The following PCDH11X variants were observed in gnomAD, a reference collection of about 807,000 sequenced individuals.
The protein encoded by PCDH11X is protocadherin-11 X-linked.
A neutral mutation model predicts 53.3 loss-of-function variants in PCDH11X; 18 were observed. The ratio of observed to expected loss-of-function variants is 0.34; its 90% confidence interval spans 0.23 to 0.50. The LOEUF is 0.50. Among genes scored for constraint, PCDH11X ranks in the 20% least tolerant of loss-of-function variants. The pLI, the probability that PCDH11X is intolerant of heterozygous loss-of-function variation, is 0.98. For missense variants in PCDH11X, 570 were observed against 1,032.4 expected, an observed-to-expected ratio of 0.55 and a Z score of 6.14; for synonymous variants, 279 against 393.3, an observed-to-expected ratio of 0.71 and a Z score of 3.44.
chrX:92,546,035 G>A (rs940779258), intron 10 of PCDH11X, among the ~76,000 whole-genome samples: 1 of 102,792 alleles, frequency 9.7e-6, no homozygotes, highest in Non-Finnish European at 2.1e-5. Flanking sequence ...GATAAACTTC[G>A]AATATTCGAT....
intron 9 of PCDH11X, among the ~76,000 whole-genome samples, chrX:92,419,105 G>T (rs2071887950): frequency 9.9e-6 from 1 of 101,048 alleles, no homozygotes; most frequent in Admixed American, 1.1e-4. Context: ...TTGGTAAATT[G>T]ATCCTTTTAT....
At chrX:92,127,212 AAATATT>A (rs1302941220) in intron 6 of PCDH11X, among the ~76,000 whole-genome samples, 18 of 109,867 alleles carry the variant, frequency 1.6e-4, no homozygotes, top group Non-Finnish European at 3.4e-4. Flanking sequence ...TATATGTTAT[AAATATT>A]AATAGGTGCT....
At chrX:92,198,664 A>C (rs777886691) in intron 6 of PCDH11X, among the ~76,000 whole-genome samples, 5 of 110,730 alleles carry the variant, frequency 4.5e-5, no homozygotes, top group Non-Finnish European at 9.4e-5. Flanking sequence ...TTGGGAAGTG[A>C]ATTTTATTCT....
intron 8 of PCDH11X, among the ~76,000 whole-genome samples, chrX:92,267,225 A>G (rs181035503): frequency 8.9e-6 from 1 of 111,773 alleles, no homozygotes; most frequent in African/African-American, 3.3e-5. Context: ...ACTTTGGCTT[A>G]GCCTGAGACT....
chrX:91,878,293 G>C lies in PCDH11X; in HGVS notation c.2053G>C (p.Val685Leu). 8.3e-7 allele frequency: 1 copy of C among 1,211,150 alleles called. No individual in the cohort carries two copies. Among genetic ancestry groups the C allele is most frequent in the African/African-American group, 1.7e-5 (1 of 57,593 alleles). ...VPPSNCSYEL[V>L]LPSTNPGTVV... Reference sequence around the variant, plus strand: ...TCCTTCCAACTGTTCTTATGAATTGGTTCTACCGTCCACTAATCCAGGCAC... The same window carrying C: ...TCCTTCCAACTGTTCTTATGAATTGCTTCTACCGTCCACTAATCCAGGCAC... Residue 685 changes from valine (V) to leucine (L), a missense_variant, in exon 6 of 11, where the codon GTT becomes CTT. By Grantham distance (32) the Val-to-Leu change is conservative. This residue lies in a region of PCDH11X where 226 missense variants were observed against 457.5 expected (regional missense o/e 0.49). Transcript: ENST00000682573.
intron 5 of PCDH11X, among the ~76,000 whole-genome samples, chrX:91,839,944 C>T (rs1393698980): frequency 8.9e-6 from 1 of 111,890 alleles, no homozygotes; most frequent in African/African-American, 3.2e-5. Context: ...CTACACATTG[C>T]AGTATTTCGA....
chrX:92,364,407 G>A (rs1258151341), intron 8 of PCDH11X, among the ~76,000 whole-genome samples: 2 of 111,070 alleles, frequency 1.8e-5, no homozygotes, highest in African/African-American at 6.5e-5. Flanking sequence ...ACATAGAAAA[G>A]GTAGCGTAAA....
rs1166814711 is a variant in PCDH11X, at chrX:92,148,007, T to TTC, written c.3034-53367_3034-53366insCT. ...TTCCTTTCTTTCTTTCTTTCTTTCT[T>TTC]TTTCTTTCCTTCCTTCCTTCCTTTC... On this transcript the variant is annotated intron_variant, in intron 6 of 10. Transcript: ENST00000682573. Among the ~76,000 whole-genome samples the TTC allele has an allele frequency of 1.9e-3, 156 of 83,519 alleles. 6 individuals carry two copies. The highest frequency in any genetic ancestry group is 7.6e-3 in the African/African-American group (141 of 18,653). The allele number at this position is 83,519 out of a possible 115,157, so 72.5% of individuals were successfully genotyped here. A position where few individuals can be genotyped will look rare whatever the true frequency, so the allele number is the denominator to read the frequency against.
chrX:92,473,884 A>G (rs1438570713), intron 10 of PCDH11X, among the ~76,000 whole-genome samples: 1 of 111,597 alleles, frequency 9.0e-6, no homozygotes, highest in African/African-American at 3.3e-5. Context: ...TTTCCTTGAG[A>G]ATGATCTATT....
chrX:92,045,054 A>G (rs2063265791), intron 6 of PCDH11X, among the ~76,000 whole-genome samples: 1 of 84,836 alleles, frequency 1.2e-5, no homozygotes, highest in South Asian at 5.5e-4. Flanking sequence ...CAAGCTTTAA[A>G]TTAAATCTTG....
chrX:92,589,821 G>A (rs776906334), intron 10 of PCDH11X, among the ~76,000 whole-genome samples: 171 of 110,538 alleles, frequency 1.5e-3, no homozygotes, highest in Non-Finnish European at 3.0e-3. Flanking sequence ...ATGATAATAG[G>A]TCTTACCCAA....
At position 92,122,694 on chromosome X, in the gene PCDH11X, T is replaced by C. The variant is rs763374916; in HGVS notation, c.3034-78681T>C. Among the ~76,000 whole-genome samples the C allele has an allele frequency of 4.2e-3, 468 of 111,604 alleles. 5 individuals are homozygous for C. Among genetic ancestry groups the C allele is most frequent in the African/African-American group, 0.015 (455 of 30,731 alleles). The stretch of plus-strand genomic sequence containing the variant: ...GCTCACACCTGTAATCCCAGCACTT[T>C]GGTAGGCCGAGGCGAGTGGATCACC... On this transcript the variant is annotated intron_variant, in intron 6 of 10. Coordinates refer to ENST00000682573, the MANE Select transcript of PCDH11X (RefSeq NM_032968.5).
chrX:92,473,840 T>C (rs1210873874), intron 10 of PCDH11X, among the ~76,000 whole-genome samples: 2 of 111,727 alleles, frequency 1.8e-5, no homozygotes, highest in Non-Finnish European at 3.8e-5. Context: ...TTTTTGAATG[T>C]TTTAAGAATT....
intron 7 of PCDH11X, among the ~76,000 whole-genome samples, chrX:92,216,444 G>T (rs1448485117): frequency 3.7e-4 from 38 of 103,722 alleles, no homozygotes; most frequent in African/African-American, 1.3e-3. Flanking sequence ...CTGGAAGAAA[G>T]GGTATCAGCG....
At chrX:91,936,132 C>A (rs1377964709) in intron 6 of PCDH11X, among the ~76,000 whole-genome samples, 1 of 104,851 alleles carries the variant, frequency 9.5e-6, no homozygotes, top group East Asian at 3.1e-4. Flanking sequence ...GGAGCCCATT[C>A]AGATGGTTGC....
At chrX:92,133,980 T>C (rs1432627561) in intron 6 of PCDH11X, among the ~76,000 whole-genome samples, 2 of 111,687 alleles carry the variant, frequency 1.8e-5, no homozygotes, top group East Asian at 5.6e-4. Context: ...AGATATACAT[T>C]GGATCAGTCC....
chrX:92,209,686 G>C (rs1310729518), intron 7 of PCDH11X, among the ~76,000 whole-genome samples: 1 of 112,310 alleles, frequency 8.9e-6, no homozygotes, highest in Non-Finnish European at 1.9e-5. Flanking sequence ...TCTTCTCACA[G>C]CTTCACTAGG....
intron 6 of PCDH11X, among the ~76,000 whole-genome samples, chrX:91,919,081 T>C (rs1941661764): frequency 8.9e-6 from 1 of 111,910 alleles, no homozygotes; most frequent in South Asian, 3.7e-4. Context: ...TAGGGATCTG[T>C]AATTCTGCAC....
chrX:92,169,097 G>A (rs1352640667), intron 6 of PCDH11X, among the ~76,000 whole-genome samples: 2 of 105,047 alleles, frequency 1.9e-5, no homozygotes, highest in South Asian at 8.6e-4. Flanking sequence ...TGAATGAGTG[G>A]GGAAGACTTC....
Sources: gnomAD v4.1 joint callset for allele counts (sites outside exome capture counted in the v4.1 genomes callset) on GRCh38, gnomAD v4.1.1 for gene constraint, gnomAD v4.1.1 regional missense constraint, MANE v1.5 for transcripts, NCBI Gene and HGNC (gene_info 2026-07-23, HGNC 2026-07-21) for gene names.